RERE: variants seen among roughly 807,000 people sequenced by gnomAD.
RERE encodes arginine-glutamic acid dipeptide repeats protein.
A neutral mutation model predicts 146.1 loss-of-function variants in RERE; 40 were observed. The ratio of observed to expected loss-of-function variants is 0.27; its 90% CI spans 0.21 to 0.36. The LOEUF (loss-of-function observed/expected upper bound fraction) is 0.36, where lower values mean the gene tolerates loss of function less well. RERE is among the 10% of genes least tolerant of loss of function. The pLI, the probability that RERE is intolerant of heterozygous loss-of-function variation, is 1.00. For synonymous variants in RERE, 1,003 were observed against 866.0 expected, an observed-to-expected ratio of 1.16 and a Z score of -2.78; for missense variants, 1,933 against 2,138.7, an observed-to-expected ratio of 0.90 and a Z score of 1.90.
At chr1:8,529,551 C>G (rs191625517) in intron 7 of RERE, among the ~76,000 whole-genome samples, 1 of 151,796 alleles carries the variant, frequency 6.6e-6, no homozygotes, top group Admixed American at 6.6e-5. Flanking sequence ...CCTCCCGCCT[C>G]GGCCTCCCAA....
chr1:8,551,023 C>A (rs758375608), intron 6 of RERE, among the ~76,000 whole-genome samples: 9 of 152,170 alleles, frequency 5.9e-5, no homozygotes, highest in Non-Finnish European at 1.0e-4. Flanking sequence ...TAATTTAGGG[C>A]TCCTTGGCCC....
chr1:8,492,979 T>C (rs189671587), intron 10 of RERE, among the ~76,000 whole-genome samples: 5 of 151,984 alleles, frequency 3.3e-5, no homozygotes, highest in Admixed American at 3.3e-4. Flanking sequence ...GAAGCTGAAG[T>C]GGGAGGATCA....
At chr1:8,485,099 C>A (rs1174079478) in intron 10 of RERE, among the ~76,000 whole-genome samples, 1 of 152,162 alleles carries the variant, frequency 6.6e-6, no homozygotes, top group African/African-American at 2.4e-5. Context: ...CGGTGGCTTA[C>A]TCCTGTAACC....
chr1:8,623,926 A>G (rs1474854839), intron 3 of RERE, among the ~76,000 whole-genome samples: 1 of 152,224 alleles, frequency 6.6e-6, no homozygotes, highest in East Asian at 1.9e-4. Flanking sequence ...TTTCCACTGG[A>G]AACTATTCTC....
intron 1 of RERE, among the ~76,000 whole-genome samples, chr1:8,737,453 A>G (rs1361417260): frequency 6.6e-6 from 1 of 152,326 alleles, no homozygotes; most frequent in East Asian, 1.9e-4. Flanking sequence ...AGTTATTGAG[A>G]GAAGAGTCAT....
intron 12 of RERE, among the ~76,000 whole-genome samples, chr1:8,396,049 C>T (rs1341131455): frequency 6.6e-6 from 1 of 152,164 alleles, no homozygotes; most frequent in African/African-American, 2.4e-5. Context: ...AGACTTTGTT[C>T]CCCAAGAAAT....
At chr1:8,773,136 A>G (rs1452542851) in intron 1 of RERE, among the ~76,000 whole-genome samples, 1 of 152,124 alleles carries the variant, frequency 6.6e-6, no homozygotes, top group African/African-American at 2.4e-5. Flanking sequence ...TACCTTTAAT[A>G]CAATATCAAC....
At position 8,631,809 on chromosome 1, in the gene RERE, C is replaced by T. The variant is rs559014959; in HGVS notation, c.326-7429G>A. Among the ~76,000 whole-genome samples, 4 of 152,216 alleles carry T rather than the reference C, an allele frequency of 2.6e-5. No individual in the cohort carries two copies. In the South Asian group the frequency reaches 6.2e-4, roughly 24 times the overall value. On this transcript the variant is annotated intron_variant, in intron 2 of 22. Coordinates refer to ENST00000400908, the MANE Select transcript of RERE (RefSeq NM_001042681.2). ...CTTGTGTTCATATACAGCTTATGTG[C>T]TGTAAGAGAATAAAAGTAATCCAAG...
intron 11 of RERE, among the ~76,000 whole-genome samples, chr1:8,443,324 T>G (rs1443141566): frequency 6.6e-6 from 1 of 151,742 alleles, no homozygotes; most frequent in Non-Finnish European, 1.5e-5. Context: ...TAGCCCGGCA[T>G]GATGGCACAC....
chr1:8,473,497 G>A (rs975796421), intron 10 of RERE, among the ~76,000 whole-genome samples: 1 of 152,094 alleles, frequency 6.6e-6, no homozygotes, highest in Admixed American at 6.6e-5. Flanking sequence ...ACTTAATTTG[G>A]CTCCACTATA....
At chr1:8,433,182 G>A (rs1033877818) in intron 11 of RERE, among the ~76,000 whole-genome samples, 1 of 152,172 alleles carries the variant, frequency 6.6e-6, no homozygotes, top group South Asian at 2.1e-4. Context: ...GTGTTCCTGG[G>A]TGCAAGATGG....
chr1:8,674,535 G>C (rs1040574529), intron 1 of RERE, among the ~76,000 whole-genome samples: 1 of 152,134 alleles, frequency 6.6e-6, no homozygotes, highest in African/African-American at 2.4e-5. Flanking sequence ...ACTTGTACTG[G>C]TCTTGTGTTG....
intron 1 of RERE, among the ~76,000 whole-genome samples, chr1:8,673,115 T>A (rs866739736): frequency 2.6e-5 from 4 of 152,176 alleles, no homozygotes; most frequent in African/African-American, 7.2e-5. Flanking sequence ...TTATTTATTT[T>A]GAGACAGAGT....
chr1:8,689,548 ACAG>A (rs547289211), intron 1 of RERE, among the ~76,000 whole-genome samples: 98 of 152,306 alleles, frequency 6.4e-4, no homozygotes, highest in African/African-American at 2.3e-3. Context: ...TCAAATCTAA[ACAG>A]CAGGCCAAGG....
At chr1:8,556,740 A>C (rs921067200) in intron 5 of RERE, among the ~76,000 whole-genome samples, 169 bp from the exon 6 acceptor site, 3 of 152,252 alleles carry the variant, frequency 2.0e-5, no homozygotes, top group Non-Finnish European at 4.4e-5. Flanking sequence ...AAGAATAACA[A>C]TAACAGAATG....
At chr1:8,599,287 G>A (rs1194332141) in intron 4 of RERE, among the ~76,000 whole-genome samples, 11 of 152,116 alleles carry the variant, frequency 7.2e-5, no homozygotes, top group Admixed American at 3.3e-4. Context: ...CCCTGTCCAC[G>A]GTTAAAATCA....
intron 12 of RERE, among the ~76,000 whole-genome samples, chr1:8,372,507 C>CATGTGTGTGTGTGTGTGTGTGTGTGT (rs1553157691): frequency 7.6e-6 from 1 of 131,764 alleles, no homozygotes; most frequent in Admixed American, 8.2e-5. Context: ...ACCATCAGGT[C>CATGTGTGTGTGTGTGTGTGTGTGTGT]GTGTGTGTGT....
At chr1:8,415,001 A>G (rs1643722001) in intron 12 of RERE, among the ~76,000 whole-genome samples, 1 of 152,258 alleles carries the variant, frequency 6.6e-6, no homozygotes, top group Admixed American at 6.5e-5. Flanking sequence ...TATAGTTTCA[A>G]ATAAGATTAA....
intron 6 of RERE, among the ~76,000 whole-genome samples, chr1:8,554,600 G>C (rs1570431940): frequency 1.4e-5 from 2 of 146,700 alleles, no homozygotes; most frequent in East Asian, 4.2e-4. Context: ...GATTGCCTGA[G>C]CCCAGGAGTT....
Sources: gnomAD v4.1 joint callset for allele counts (sites outside exome capture counted in the v4.1 genomes callset) on GRCh38, gnomAD v4.1.1 for gene constraint, MANE v1.5 for transcripts, NCBI Gene and HGNC (gene_info 2026-07-23, HGNC 2026-07-21) for gene names.